Variants in NEK6 observed in about 807,000 individuals in gnomAD.
NEK6 encodes NIMA related kinase 6, also known as serine/threonine-protein kinase Nek6.
Under a neutral mutation model 43.5 loss-of-function variants are expected in NEK6, and 27 were observed. That is an observed-to-expected ratio of 0.62 (90% CI 0.46 to 0.86). The LOEUF is 0.86. Among genes scored for constraint, NEK6 ranks in the 40% least tolerant of loss-of-function variants. NEK6 has a pLI of 0.00. For synonymous variants in NEK6, 167 were observed against 164.1 expected (o/e 1.02, Z -0.14); for missense variants, 318 against 414.4 (o/e 0.77, Z 2.02).
At chr9:124,309,744 T>C (rs1292825056) in intron 2 of NEK6, among the ~76,000 whole-genome samples, 1 of 152,230 alleles carries the variant, frequency 6.6e-6, no homozygotes, top group Non-Finnish European at 1.5e-5. Context: ...TTCTAAGTGC[T>C]CAGAAAGCCG....
chr9:124,332,978 C>T (rs1017280182), intron 7 of NEK6, among the ~76,000 whole-genome samples: 15 of 152,146 alleles, frequency 9.9e-5, no homozygotes, highest in African/African-American at 3.6e-4. Context: ...TCTGCCTCTG[C>T]GTCTCGGCAT....
chr9:124,293,087 T>C, intron 1 of NEK6: 3 of 1,374,374 alleles, frequency 2.2e-6, no homozygotes, highest in East Asian at 2.9e-5. Context: ...CTGGGACTCC[T>C]AGAGTGAGAC....
chr9:124,274,593 A>G (rs1241716233), intron 1 of NEK6, among the ~76,000 whole-genome samples: 4 of 152,204 alleles, frequency 2.6e-5, no homozygotes, highest in Non-Finnish European at 5.9e-5. Flanking sequence ...CAGTCCGGGT[A>G]CCTGTCAGCA....
intron 1 of NEK6, among the ~76,000 whole-genome samples, chr9:124,258,752 G>A (rs528784030): frequency 6.6e-6 from 1 of 152,336 alleles, no homozygotes; most frequent in South Asian, 2.1e-4. Flanking sequence ...GGGGCCAGGA[G>A]GGCAGACTCA....
At chr9:124,334,337 A>G (rs551181506) in intron 7 of NEK6, among the ~76,000 whole-genome samples, 1 of 152,308 alleles carries the variant, frequency 6.6e-6, no homozygotes, top group African/African-American at 2.4e-5. Context: ...TGGGTGGATG[A>G]TGGATGGATG....
intron 1 of NEK6, among the ~76,000 whole-genome samples, chr9:124,301,349 G>A (rs948866395): frequency 6.6e-6 from 1 of 152,190 alleles, no homozygotes; most frequent in Admixed American, 6.5e-5. Flanking sequence ...GGCTGAGGGG[G>A]GCTGTTCCTT....
At chr9:124,285,938 G>A (rs1449794506) in intron 1 of NEK6, among the ~76,000 whole-genome samples, 2 of 152,218 alleles carry the variant, frequency 1.3e-5, no homozygotes, top group African/African-American at 2.4e-5. Flanking sequence ...ATAGAACGAT[G>A]CTGGGTACAT....
chr9:124,269,378 T>A (rs912659804), intron 1 of NEK6, among the ~76,000 whole-genome samples: 8 of 144,434 alleles, frequency 5.5e-5, no homozygotes, highest in Non-Finnish European at 3.1e-5. Flanking sequence ...CTAACTGGAC[T>A]TTTTTTTTTT....
chr9:124,271,093 C>T (rs902062102), intron 1 of NEK6, among the ~76,000 whole-genome samples: 2 of 152,368 alleles, frequency 1.3e-5, no homozygotes, highest in South Asian at 4.1e-4. Flanking sequence ...GCAGGTTAGT[C>T]GGCCAGCCAG....
At chr9:124,350,805 T>C in intron 9 of NEK6, 32 bp from the exon 10 acceptor site, 2 of 1,523,324 alleles carry the variant, frequency 1.3e-6, no homozygotes, top group Non-Finnish European at 1.8e-6. Context: ...GACTGCTTTC[T>C]TGAGAATAAC....
At chr9:124,339,793 T>G in intron 8 of NEK6, 128 bp downstream of exon 8, 1 of 708,046 alleles carries the variant, frequency 1.4e-6, no homozygotes, top group East Asian at 2.6e-5. Flanking sequence ...GAGGCATCGG[T>G]ACCACCAGGG....
chr9:124,312,708 A>G, intron 3 of NEK6, 59 bp downstream of exon 3: 26 of 1,559,576 alleles, frequency 1.7e-5, no homozygotes, highest in Non-Finnish European at 2.3e-5. Flanking sequence ...CTGCATCTGG[A>G]CGGGGTGCCC....
chr9:124,310,460 A>G (rs1273707475), intron 2 of NEK6, among the ~76,000 whole-genome samples: 1 of 152,188 alleles, frequency 6.6e-6, no homozygotes, highest in African/African-American at 2.4e-5. Context: ...AGGACCCACC[A>G]TGAGAGGTAA....
intron 8 of NEK6, among the ~76,000 whole-genome samples, chr9:124,340,173 A>G (rs1373702763): frequency 6.0e-5 from 2 of 33,606 alleles, no homozygotes; most frequent in Non-Finnish European, 1.4e-4. Flanking sequence ...AAATGGAGCT[A>G]GGGGATGGCC....
At chr9:124,283,313 C>G (rs868112631) in intron 1 of NEK6, among the ~76,000 whole-genome samples, 1 of 152,226 alleles carries the variant, frequency 6.6e-6, no homozygotes, top group Non-Finnish European at 1.5e-5. Context: ...GCCACTCCTG[C>G]GACGGAGCCT....
chr9:124,303,372 C>T (rs1252850395), intron 2 of NEK6, among the ~76,000 whole-genome samples: 1 of 152,132 alleles, frequency 6.6e-6, no homozygotes, highest in Admixed American at 6.5e-5. Context: ...TGTTTGACCT[C>T]AATGGCAAGG....
In NEK6 at chr9:124,324,938, G is replaced by A. The variant is rs772715365; in HGVS notation, c.406-1392G>A. Among the ~76,000 whole-genome samples the A allele has an allele frequency of 3.0e-4, 45 of 152,278 alleles. No homozygotes were observed. The highest frequency in any genetic ancestry group is 4.9e-4 in the Non-Finnish European group (33 of 68,014). ...GCCTGTAATCCCAGCACTTTGGGAGGCCGAGGCAGGCAGATCACCTGAGGT... is the reference window on the plus strand; with the variant it reads ...GCCTGTAATCCCAGCACTTTGGGAGACCGAGGCAGGCAGATCACCTGAGGT... On this transcript the variant is annotated intron_variant, in intron 5 of 9. Transcript: ENST00000320246. This position sits in a 1 kb window ranked among gnomAD's most constrained non-coding sequence, Gnocchi z 5.3.
intron 1 of NEK6, chr9:124,259,127 T>G (rs529462220): frequency 6.6e-6 from 1 of 152,460 alleles, no homozygotes; most frequent in South Asian, 2.1e-4. Flanking sequence ...TTCCGAGGTC[T>G]GTCCTTGCAG....
At chr9:124,323,657 G>T (rs1299338151) in intron 5 of NEK6, among the ~76,000 whole-genome samples, 1 of 152,114 alleles carries the variant, frequency 6.6e-6, no homozygotes, top group Non-Finnish European at 1.5e-5. Flanking sequence ...GCAGATGGGG[G>T]GCTGGGGCTG....
Sources: gnomAD v4.1 joint callset for allele counts (sites outside exome capture counted in the v4.1 genomes callset) on GRCh38, gnomAD v4.1.1 for gene constraint, Gnocchi (gnomAD v3.1) non-coding constraint, MANE v1.5 for transcripts, NCBI Gene and HGNC (gene_info 2026-07-23, HGNC 2026-07-21) for gene names.